FBXO22: variants seen among roughly 807,000 people sequenced by gnomAD.
FBXO22 encodes the protein F-box only protein 22.
A neutral mutation model predicts 37.2 loss-of-function variants in FBXO22; 13 were observed. That is an observed-to-expected ratio of 0.35 (90% confidence interval 0.23 to 0.56). FBXO22 has a LOEUF of 0.56. Among genes scored for constraint, FBXO22 ranks in the 20% least tolerant of loss-of-function variants. The pLI is 0.87. For missense variants in FBXO22, 446 were observed against 509.9 expected (o/e 0.87, Z 1.21); for synonymous variants, 189 against 189.1 (o/e 1.00, Z 0.00).
At chr15:75,930,461 G>A (rs1595919089) in intron 6 of FBXO22, 11 of 992,834 alleles carry the variant, frequency 1.1e-5, no homozygotes, top group Non-Finnish European at 1.3e-5. Context: ...AAATCTGGAA[G>A]GAGAATAGCA....
At chr15:75,907,409 A>C (rs1359701623) in intron 2 of FBXO22, among the ~76,000 whole-genome samples, 1 of 152,242 alleles carries the variant, frequency 6.6e-6, no homozygotes, top group Non-Finnish European at 1.5e-5. Flanking sequence ...TATTAGTATC[A>C]TTATTAAAGT....
chr15:75,918,219 A>T (rs1402767710), intron 5 of FBXO22, among the ~76,000 whole-genome samples: 1 of 152,180 alleles, frequency 6.6e-6, no homozygotes, highest in Non-Finnish European at 1.5e-5. Context: ...CAGCTGGAGT[A>T]AAAAATTGTG....
At chr15:75,926,647 G>T (rs966685874) in intron 5 of FBXO22, among the ~76,000 whole-genome samples, 1 of 152,282 alleles carries the variant, frequency 6.6e-6, no homozygotes, top group East Asian at 1.9e-4. Flanking sequence ...GAGGTTGAGG[G>T]CGTATCCGGG....
rs187806823 is a variant in FBXO22, at chr15:75,938,306, A to G, written c.*5204A>G. 77 of 152,322 alleles carry G rather than the reference A, an allele frequency of 5.1e-4. No individual in the cohort carries two copies. Among genetic ancestry groups the G allele is most frequent in the African/African-American group, 1.8e-3 (76 of 41,566 alleles). The allele number at this position is 152,322 out of a possible 1,614,324, so 9.4% of individuals were successfully genotyped here. A position where few individuals can be genotyped will look rare whatever the true frequency, so the allele number is the denominator to read the frequency against. On this transcript the variant is annotated 3_prime_UTR_variant, in exon 7 of 7. Coordinates refer to ENST00000308275, the MANE Select transcript of FBXO22 (RefSeq NM_147188.3). The stretch of plus-strand genomic sequence containing the variant: ...TAAAAATAAAAAAACAATGAACCAG[A>G]AAACCGTGGGGAAAGGAAAGAATCT...
In FBXO22 at chr15:75,940,603, C is replaced by T. The variant is rs1318937417; in HGVS notation, c.*7501C>T. ...GAGTTTAAAACTTACTATAATGCTA[C>T]AGTAATCAAAACAATGTGATTCTGG... On this transcript the variant is annotated 3_prime_UTR_variant, in exon 7 of 7. Transcript: ENST00000308275. 7 of 152,118 alleles carry T rather than the reference C, an allele frequency of 4.6e-5. No individual in the cohort carries two copies. The East Asian group carries it at 1.2e-3, about 25-fold the overall frequency. The allele number at this position is 152,118 out of a possible 1,614,324, so 9.4% of individuals were successfully genotyped here. A position where few individuals can be genotyped will look rare whatever the true frequency, so the allele number is the denominator to read the frequency against.
At chr15:75,921,567 A>G (rs901235812) in intron 5 of FBXO22, among the ~76,000 whole-genome samples, 2 of 152,148 alleles carry the variant, frequency 1.3e-5, no homozygotes, top group African/African-American at 2.4e-5. Flanking sequence ...AGGCTGAGGC[A>G]GGAGAATCGC....
At position 75,935,808 on chromosome 15, in the gene FBXO22, G is replaced by A. The variant is rs2030283071; in HGVS notation, c.*2706G>A. The A allele has an allele frequency of 6.6e-6, 1 of 151,338 alleles. No homozygotes were observed. Among genetic ancestry groups the A allele is most frequent in the Admixed American group, 6.6e-5 (1 of 15,188 alleles). 9.4% of individuals were successfully genotyped at this position (151,338 alleles called of 1,614,324 possible). On this transcript the variant is annotated 3_prime_UTR_variant, in exon 7 of 7. Coordinates refer to ENST00000308275, the MANE Select transcript of FBXO22 (RefSeq NM_147188.3). ...ATCTGAGAACTTTCTTTTTTTTTGA[G>A]ACGGAGTCCCGCTCTTTAGCCCAGG...
intron 1 of FBXO22, 55 bp from the exon 2 acceptor site, chr15:75,904,436 G>A: frequency 2.5e-6 from 4 of 1,611,898 alleles, no homozygotes; most frequent in Non-Finnish European, 3.4e-6. Context: ...TGTGAGCTGT[G>A]GGAGAGACGA....
chr15:75,906,132 T>G (rs1486613118), intron 2 of FBXO22, among the ~76,000 whole-genome samples: 2 of 152,220 alleles, frequency 1.3e-5, no homozygotes, highest in East Asian at 3.9e-4. Flanking sequence ...CAGGCTGGCT[T>G]CAGTGTCTTT....
chr15:75,904,064 T>C lies in FBXO22; in HGVS notation c.101T>C (p.Leu34Pro), dbSNP rs1756554226. The change falls in exon 1 of 7, where the codon CTC becomes CCC. Residue 34 changes from leucine (L) to proline (P), a missense_variant. By Grantham distance (98) the Leu-to-Pro change is moderately conservative. This residue lies in a region of FBXO22 where 131 missense variants were observed against 99.8 expected (regional missense o/e 1.31). Transcript: ENST00000308275. ...CTGGCGGAGGTGGTGGAGCGTGTGC[T>C]CACCTTCCTGCCCGCCAAGGCGTTG... Reference protein sequence around the residue: ...SNLAEVVERVLTFLPAKALLR... With the variant: ...SNLAEVVERVPTFLPAKALLR... 2 of 1,553,746 alleles carry C rather than the reference T, an allele frequency of 1.3e-6. No individual in the cohort carries two copies. Among genetic ancestry groups the C allele is most frequent in the Non-Finnish European group, 8.7e-7 (1 of 1,147,770 alleles).
Position 75,938,793 on chromosome 15 carries a change from C to T in FBXO22, c.*5691C>T, listed in dbSNP as rs1355212883. 6.6e-6 allele frequency: 1 copy of T among 151,960 alleles called. No homozygotes were observed. The highest frequency in any genetic ancestry group is 2.4e-5 in the African/African-American group (1 of 41,364). 9.4% of individuals were successfully genotyped at this position (151,960 alleles called of 1,614,324 possible). A position where few individuals can be genotyped will look rare whatever the true frequency, so the allele number is the denominator to read the frequency against. ...AAGAAGATATGGTGCATTTTTGAAC[C>T]ACAACAGGATGTAGTTAGAAATCAG... On this transcript the variant is annotated 3_prime_UTR_variant, in exon 7 of 7. Coordinates refer to ENST00000308275, the MANE Select transcript of FBXO22 (RefSeq NM_147188.3).
chr15:75,904,338 C>G (rs757231580), intron 1 of FBXO22, 153 bp from the exon 2 acceptor site: 27 of 1,226,370 alleles, frequency 2.2e-5, no homozygotes, highest in Middle Eastern at 5.5e-4. Flanking sequence ...GCTCTTCTTC[C>G]GAACTAGCGC....
At chr15:75,904,910 G>A (rs1595909347) in intron 2 of FBXO22, among the ~76,000 whole-genome samples, 2 of 144,920 alleles carry the variant, frequency 1.4e-5, no homozygotes, top group Non-Finnish European at 3.0e-5. Flanking sequence ...CGCAAGCTCC[G>A]CCTCCCGGGT....
At chr15:75,914,539 A>T (rs951823092) in intron 4 of FBXO22, among the ~76,000 whole-genome samples, 2 of 152,008 alleles carry the variant, frequency 1.3e-5, no homozygotes, top group Non-Finnish European at 2.9e-5. Flanking sequence ...GGTAGGGGTG[A>T]GATGGGGCTG....
rs2030424210 is a variant in FBXO22, at chr15:75,937,146, C to A, written c.*4044C>A. 1 of 151,592 alleles carries A rather than the reference C, an allele frequency of 6.6e-6. No homozygotes were observed. Among genetic ancestry groups the A allele is most frequent in the East Asian group, 1.9e-4 (1 of 5,176 alleles). 9.4% of individuals were successfully genotyped at this position (151,592 alleles called of 1,614,324 possible). A position where few individuals can be genotyped will look rare whatever the true frequency, so the allele number is the denominator to read the frequency against. On this transcript the variant is annotated 3_prime_UTR_variant, in exon 7 of 7. Transcript: ENST00000308275. ...ATAGGGAGGAATAAAACATAATTGA[C>A]CCCAGCGACATCAGCAAAAATGGGT... is the stretch of plus-strand genomic sequence containing the variant.
chr15:75,920,784 C>CTT (rs1900303613), intron 5 of FBXO22, among the ~76,000 whole-genome samples: 1 of 152,072 alleles, frequency 6.6e-6, no homozygotes, highest in Admixed American at 6.6e-5. Flanking sequence ...AGTCACGCCA[C>CTT]TCTACTGCAG....
chr15:75,919,390 A>G (rs1259205791), intron 5 of FBXO22, among the ~76,000 whole-genome samples: 1 of 152,250 alleles, frequency 6.6e-6, no homozygotes, highest in African/African-American at 2.4e-5. Context: ...CAATGTATAT[A>G]TACTTCAAAA....
rs551224744 is a variant in FBXO22, at chr15:75,911,558, T to C, written c.280-1645T>C. 1.2e-3 allele frequency among the ~76,000 whole-genome samples: 184 copies of C among 152,128 alleles called. 1 individual carries two copies. The highest frequency in any genetic ancestry group is 4.1e-3 in the African/African-American group (172 of 41,532). On this transcript the variant is annotated intron_variant, in intron 2 of 6. Transcript: ENST00000308275. Reference sequence around the variant, plus strand: ...ATGGGAGTTCACTCATGATTTGGCTTTCTGTTTGTCTGTTATTGGTGTTTA... The same window carrying C: ...ATGGGAGTTCACTCATGATTTGGCTCTCTGTTTGTCTGTTATTGGTGTTTA...
chr15:75,932,617 G>C (rs1271634708), intron 6 of FBXO22, 68 bp from the exon 7 acceptor site: 21 of 1,441,012 alleles, frequency 1.5e-5, no homozygotes, highest in Non-Finnish European at 2.0e-5. Context: ...TGAATCAGGA[G>C]GATTTTGCTT....
Sources: allele counts gnomAD v4.1 joint callset (sites outside exome capture counted in the v4.1 genomes callset), GRCh38; gene constraint gnomAD v4.1.1; regional missense constraint gnomAD v4.1.1; transcripts MANE v1.5; gene names NCBI Gene and HGNC (gene_info 2026-07-23, HGNC 2026-07-21).